The following HOOK3 variants were observed in gnomAD, a reference collection of about 807,000 sequenced individuals.
The protein encoded by HOOK3 is hook microtubule tethering protein 3.
A neutral mutation model predicts 116.3 loss-of-function variants in HOOK3; 24 were observed. The observed-to-expected ratio is 0.21, with a 90% confidence interval of 0.15 to 0.29. The LOEUF (loss-of-function observed/expected upper bound fraction) is 0.29, where lower values mean the gene tolerates loss of function less well. Among genes scored for constraint, HOOK3 ranks in the 10% least tolerant of loss-of-function variants. The pLI, the probability that HOOK3 is intolerant of heterozygous loss-of-function variation, is 1.00. For synonymous variants in HOOK3, 275 were observed against 283.0 expected, an observed-to-expected ratio of 0.97 and a Z score of 0.28; for missense variants, 632 against 830.2, an observed-to-expected ratio of 0.76 and a Z score of 2.93.
intron 5 of HOOK3, among the ~76,000 whole-genome samples, chr8:42,943,651 A>AT (rs1808170770): frequency 2.0e-5 from 3 of 152,126 alleles, no homozygotes; most frequent in South Asian, 4.1e-4. Flanking sequence ...CTGGGGTGAT[A>AT]TTTTTTCTTT....
rs180968090 is a variant in HOOK3 at position 42,945,036 on chromosome 8, G to A, written c.400+1591G>A. On this transcript the variant is annotated intron_variant, in intron 5 of 21. Coordinates refer to ENST00000307602, the MANE Select transcript of HOOK3 (RefSeq NM_032410.4). The stretch of plus-strand genomic sequence containing the variant: ...TGAGATTAAGAGCATGAGCTGCAGT[G>A]TGCATCAACCCATGAATTTCAACTC... Among the ~76,000 whole-genome samples, 38 of 152,234 alleles carry A rather than the reference G, an allele frequency of 2.5e-4. No homozygotes were observed. In the East Asian group the frequency reaches 6.0e-3, roughly 24 times the overall value.
At position 43,010,363 on chromosome 8, in the gene HOOK3, A is replaced by G; in HGVS notation, c.1797A>G (p.Gln599=). ...GAAAGAAAGAGGAAGAAATGAAGCA[A>G]ATGGAAGAACGATACAAAAAATACT... The part of the protein sequence containing the change: ...ALRKKEEEMK[Q]MEERYKKYLE... The change falls in exon 19 of 22, where the codon CAA becomes CAG. Residue 599 remains glutamine, a synonymous_variant. Coordinates refer to ENST00000307602, the MANE Select transcript of HOOK3 (RefSeq NM_032410.4). 1 of 1,492,968 alleles carries G rather than the reference A, an allele frequency of 6.7e-7. No homozygotes were observed. The highest frequency in any genetic ancestry group is 8.9e-7 in the Non-Finnish European group (1 of 1,121,674). The allele number at this position is 1,492,968 out of a possible 1,614,324, so 92.5% of individuals were successfully genotyped here.
intron 5 of HOOK3, among the ~76,000 whole-genome samples, chr8:42,948,934 T>G (rs1808287506): frequency 6.6e-6 from 1 of 152,228 alleles, no homozygotes. Flanking sequence ...ACAAGTAGCC[T>G]TAGGGCAATA....
chr8:42,974,047 C>A, intron 12 of HOOK3, 60 bp from the exon 13 acceptor site: 1 of 1,149,852 alleles, frequency 8.7e-7, no homozygotes, highest in Non-Finnish European at 1.3e-6. Flanking sequence ...AGGCAGAGGC[C>A]ACTGATGAAT....
At chr8:42,928,839 C>T (rs1170790656) in intron 3 of HOOK3, among the ~76,000 whole-genome samples, 2 of 152,066 alleles carry the variant, frequency 1.3e-5, no homozygotes, top group Non-Finnish European at 2.9e-5. Flanking sequence ...GTCAGAAGTT[C>T]GAGACCAGCC....
chr8:42,966,683 T>A (rs2130424296), intron 10 of HOOK3, 70 bp downstream of exon 10: 1 of 1,529,384 alleles, frequency 6.5e-7, no homozygotes, highest in East Asian at 2.3e-5. Context: ...TTTCTGAGGA[T>A]CTAGCAAACT....
intron 13 of HOOK3, among the ~76,000 whole-genome samples, chr8:42,975,393 C>T (rs1473568513): frequency 2.6e-5 from 4 of 152,180 alleles, no homozygotes; most frequent in African/African-American, 9.7e-5. Context: ...TGCTGTTTGC[C>T]AGGCACTGTG....
chr8:43,007,842 T>C lies in HOOK3; in HGVS notation c.1656-5T>C. 6.3e-7 allele frequency: 1 copy of C among 1,582,950 alleles called. No homozygotes were observed. Reference sequence around the variant, plus strand: ...TAGTAGGTGATGTTTACCTGTTTGTTACAGAGAGAAGCTGCATGAGGCCAA... The same window carrying C: ...TAGTAGGTGATGTTTACCTGTTTGTCACAGAGAGAAGCTGCATGAGGCCAA... On this transcript the variant is annotated splice_polypyrimidine_tract_variant and splice_region_variant and intron_variant, in intron 17 of 21. Coordinates refer to ENST00000307602, the MANE Select transcript of HOOK3 (RefSeq NM_032410.4).
chr8:43,007,878 C>T lies in HOOK3; in HGVS notation c.1687C>T (p.Gln563Ter). The part of the protein sequence containing the change: ...EKLHEANNEL[Q>*]KKRAIIEDLE... ...GCTGCATGAGGCCAATAATGAACTA[C>T]AGAAGAAGAGAGCCATTATTGAAGA... The change falls in exon 18 of 22, where the codon CAG becomes TAG. Residue 563 changes from glutamine to a stop codon, truncating the protein, a stop_gained. Coordinates refer to ENST00000307602, the MANE Select transcript of HOOK3 (RefSeq NM_032410.4). LOFTEE classifies it high-confidence loss of function. 1 of 1,601,046 alleles carries T rather than the reference C, an allele frequency of 6.2e-7. No individual in the cohort carries two copies. Among genetic ancestry groups the T allele is most frequent in the South Asian group, 1.1e-5 (1 of 88,986 alleles).
intron 6 of HOOK3, 114 bp downstream of exon 6, chr8:42,950,569 C>CCTG: frequency 1.7e-6 from 1 of 598,586 alleles, no homozygotes; most frequent in South Asian, 2.8e-5. Flanking sequence ...AGAGTTTTTA[C>CCTG]TTTGCATTTA....
chr8:43,012,223 TAG>T (rs1352558647), intron 19 of HOOK3, among the ~76,000 whole-genome samples: 2 of 152,232 alleles, frequency 1.3e-5, no homozygotes, highest in Non-Finnish European at 2.9e-5. Flanking sequence ...GCAAACATTG[TAG>T]AGTGTACTTA....
chr8:42,995,829 CT>C (rs1809253778), intron 15 of HOOK3, among the ~76,000 whole-genome samples: 1 of 152,128 alleles, frequency 6.6e-6, no homozygotes, highest in Admixed American at 6.5e-5. Flanking sequence ...TCGTCTGTCC[CT>C]TTCTATTTCC....
At chr8:42,961,912 G>A (rs1015500859) in intron 8 of HOOK3, among the ~76,000 whole-genome samples, 1 of 151,722 alleles carries the variant, frequency 6.6e-6, no homozygotes, top group African/African-American at 2.4e-5. Context: ...TCATCCTCCC[G>A]AGTAGCAGGG....
At chr8:42,911,378 A>T (rs1807426278) in intron 2 of HOOK3, among the ~76,000 whole-genome samples, 1 of 152,098 alleles carries the variant, frequency 6.6e-6, no homozygotes, top group Non-Finnish European at 1.5e-5. Flanking sequence ...TTGAACCGGG[A>T]AAGTGGAGGT....
intron 21 of HOOK3, among the ~76,000 whole-genome samples, chr8:43,018,101 A>G (rs1317492320): frequency 6.6e-6 from 1 of 152,222 alleles, no homozygotes; most frequent in Non-Finnish European, 1.5e-5. Flanking sequence ...GAGTATGGGT[A>G]AAGTCTGTCT....
chr8:43,007,945 T>A lies in HOOK3; in HGVS notation c.1738+16T>A. 1.3e-6 allele frequency: 2 copies of A among 1,505,836 alleles called. No homozygotes were observed. Among genetic ancestry groups the A allele is most frequent in the Non-Finnish European group, 1.8e-6 (2 of 1,090,018 alleles). The allele number at this position is 1,505,836 out of a possible 1,614,324, so 93.3% of individuals were successfully genotyped here. A position where few individuals can be genotyped will look rare whatever the true frequency, so the allele number is the denominator to read the frequency against. On this transcript the variant is annotated intron_variant, in intron 18 of 21. Coordinates refer to ENST00000307602, the MANE Select transcript of HOOK3 (RefSeq NM_032410.4). ...AACAACAGCTGTGAGTTTTCCTAAT[T>A]AGGATAGTTTTTAAGTGGGCTTGCT...
chr8:43,011,325 T>A (rs982842405), intron 19 of HOOK3, among the ~76,000 whole-genome samples: 2 of 152,118 alleles, frequency 1.3e-5, no homozygotes. Flanking sequence ...ATGATAATGC[T>A]TTGTGATTAT....
chr8:42,912,744 A>G (rs1451081319), intron 2 of HOOK3, among the ~76,000 whole-genome samples: 1 of 152,214 alleles, frequency 6.6e-6, no homozygotes, highest in African/African-American at 2.4e-5. Context: ...TAGATAAACC[A>G]GCACTGGCAC....
intron 21 of HOOK3, among the ~76,000 whole-genome samples, chr8:43,014,792 C>G (rs1039288353): frequency 6.6e-6 from 1 of 152,112 alleles, no homozygotes; most frequent in Non-Finnish European, 1.5e-5. Context: ...TGATCTTTGT[C>G]AAAAATTCAT....
Sources: gnomAD v4.1 joint callset for allele counts (sites outside exome capture counted in the v4.1 genomes callset) on GRCh38, gnomAD v4.1.1 for gene constraint, MANE v1.5 for transcripts, NCBI Gene and HGNC (gene_info 2026-07-23, HGNC 2026-07-21) for gene names.